Variants in DNAJC3 observed in about 807,000 individuals in gnomAD.
DNAJC3 encodes the protein dnaJ homolog subfamily C member 3.
Under a neutral mutation model 68.6 loss-of-function variants are expected in DNAJC3, and 38 were observed. The ratio of observed to expected loss-of-function variants is 0.55; its 90% CI spans 0.43 to 0.73. DNAJC3 has a LOEUF of 0.73. Among genes scored for constraint, DNAJC3 ranks in the 30% least tolerant of loss-of-function variants. DNAJC3 has a pLI of 0.00. For missense variants in DNAJC3, 526 were observed against 591.9 expected (o/e 0.89, Z 1.16); for synonymous variants, 203 against 204.0 (o/e 1.00, Z 0.04).
chr13:95,760,596 A>G, intron 6 of DNAJC3, 83 bp from the exon 7 acceptor site: 1 of 1,515,164 alleles, frequency 6.6e-7, no homozygotes, highest in Non-Finnish European at 8.8e-7. Context: ...CAAACAAAAA[A>G]TACTTTTATT....
At chr13:95,786,314 A>G (rs1883600403) in intron 10 of DNAJC3, among the ~76,000 whole-genome samples, 1 of 152,132 alleles carries the variant, frequency 6.6e-6, no homozygotes, top group Non-Finnish European at 1.5e-5. Flanking sequence ...ACACTGTAGC[A>G]TGAATGGGTC....
chr13:95,704,664 G>A (rs542345474), intron 1 of DNAJC3, among the ~76,000 whole-genome samples: 4 of 152,132 alleles, frequency 2.6e-5, no homozygotes, highest in South Asian at 2.1e-4. Flanking sequence ...TATGAGAAAC[G>A]GATCCATTAT....
intron 3 of DNAJC3, among the ~76,000 whole-genome samples, chr13:95,724,098 T>C (rs1881429089): frequency 6.6e-6 from 1 of 152,204 alleles, no homozygotes. Context: ...ATTTGAAATA[T>C]TACTAATATT....
intron 1 of DNAJC3, among the ~76,000 whole-genome samples, chr13:95,688,927 G>GGGGGGGTGT (rs1555321769): frequency 7.7e-6 from 1 of 129,670 alleles, no homozygotes; most frequent in African/African-American, 3.1e-5. Context: ...TGATTGTGTG[G>GGGGGGGTGT]GTGTGTGTGT....
In DNAJC3 at chr13:95,701,498, CT is replaced by C. The variant is rs17882806; in HGVS notation, c.83-7728del. Among the ~76,000 whole-genome samples the C allele has an allele frequency of 1.0e-2, 1,521 of 152,286 alleles. 30 individuals carry two copies. The highest frequency in any genetic ancestry group is 0.035 in the African/African-American group (1,459 of 41,552). On this transcript the variant is annotated intron_variant, in intron 1 of 11. Coordinates refer to ENST00000602402, the MANE Select transcript of DNAJC3 (RefSeq NM_006260.5). ...TTTCAGTTTTTTCCTGGCCATCCCC[CT>C]GTAACAGATTTCCCCATCACCCTCC...
At position 95,714,324 on chromosome 13, in the gene DNAJC3, G is replaced by A. The variant is rs145423229; in HGVS notation, c.193+4987G>A. 4.7e-3 allele frequency among the ~76,000 whole-genome samples: 705 copies of A among 151,502 alleles called. 6 individuals carry two copies. Among genetic ancestry groups the A allele is most frequent in the African/African-American group, 0.017 (680 of 41,176 alleles). On this transcript the variant is annotated intron_variant, in intron 2 of 11. Transcript: ENST00000602402. ...GCGGGAGGACTGCTTGAGCTCAGGT[G>A]CAGTGAGCTATGATTGTGTCACCAC...
chr13:95,720,287 T>C (rs1881281972), intron 2 of DNAJC3, among the ~76,000 whole-genome samples: 1 of 152,230 alleles, frequency 6.6e-6, no homozygotes, highest in Admixed American at 6.5e-5. Context: ...TAAATCATCG[T>C]ATTTCCAGTA....
At chr13:95,764,683 T>TATACACAC (rs36030034) in intron 9 of DNAJC3, among the ~76,000 whole-genome samples, 16 of 88,276 alleles carry the variant, frequency 1.8e-4, no homozygotes, top group African/African-American at 5.4e-4. Context: ...TATATATATA[T>TATACACAC]ACACACACAC....
At chr13:95,727,884 A>G (rs1345111810) in intron 4 of DNAJC3, among the ~76,000 whole-genome samples, 1 of 152,196 alleles carries the variant, frequency 6.6e-6, no homozygotes, top group Non-Finnish European at 1.5e-5. Flanking sequence ...CTTTGTAACC[A>G]TACCAATTTC....
At chr13:95,789,343 G>A (rs1163862006) in intron 11 of DNAJC3, among the ~76,000 whole-genome samples, 1 of 152,022 alleles carries the variant, frequency 6.6e-6, no homozygotes, top group African/African-American at 2.4e-5. Context: ...AGTGTGTGTT[G>A]TTCCCCTTTA....
chr13:95,785,633 G>T (rs375772260), intron 9 of DNAJC3, among the ~76,000 whole-genome samples: 7 of 140,562 alleles, frequency 5.0e-5, no homozygotes, highest in Admixed American at 1.4e-4. Flanking sequence ...TAATTTTTGT[G>T]TTTTTTTTTT....
intron 4 of DNAJC3, among the ~76,000 whole-genome samples, chr13:95,735,346 TG>T (rs1484860313): frequency 7.1e-5 from 8 of 112,682 alleles, no homozygotes; most frequent in African/African-American, 2.9e-4. Context: ...AGTAATGGGA[TG>T]GCTGGGTCAA....
chr13:95,786,879 A>G, intron 10 of DNAJC3, 128 bp from the exon 11 acceptor site: 2 of 1,093,172 alleles, frequency 1.8e-6, no homozygotes, highest in African/African-American at 1.6e-5. Context: ...GGCCTGTGAT[A>G]CCATTGGAAC....
chr13:95,727,249 A>G (rs760238653), intron 4 of DNAJC3, among the ~76,000 whole-genome samples: 9 of 151,922 alleles, frequency 5.9e-5, no homozygotes, highest in Non-Finnish European at 1.2e-4. Context: ...AATTTAGGAT[A>G]TAGTTTTAGC....
Position 95,694,776 on chromosome 13 carries a change from A to G in DNAJC3, c.83-14451A>G, listed in dbSNP as rs2139610068. 3.9e-5 allele frequency: 6 copies of G among 152,744 alleles called. 1 individual carries two copies. In the Middle Eastern group the frequency reaches 0.02, roughly 520 times the overall value. 9.5% of individuals were successfully genotyped at this position (152,744 alleles called of 1,614,324 possible). On this transcript the variant is annotated intron_variant, in intron 1 of 11. Transcript: ENST00000602402. The stretch of plus-strand genomic sequence containing the variant: ...TGCTTTCTCTTCAGTTGCCCATATC[A>G]ACCGAGTTGTAAACTACGGCAGAAT...
intron 4 of DNAJC3, among the ~76,000 whole-genome samples, chr13:95,751,481 T>C (rs752249761): frequency 6.6e-6 from 1 of 152,210 alleles, no homozygotes; most frequent in Non-Finnish European, 1.5e-5. Flanking sequence ...GATTTTCACT[T>C]ATAATGTGAG....
chr13:95,720,587 T>C (rs1453677507), intron 2 of DNAJC3, among the ~76,000 whole-genome samples: 2 of 152,178 alleles, frequency 1.3e-5, no homozygotes, highest in East Asian at 1.9e-4. Context: ...AAATAAAATA[T>C]AAGCTGAACT....
intron 4 of DNAJC3, among the ~76,000 whole-genome samples, chr13:95,753,173 T>C (rs1475908723): frequency 6.6e-6 from 1 of 152,226 alleles, no homozygotes; most frequent in Non-Finnish European, 1.5e-5. Context: ...TTGTACATGC[T>C]GTGTGTTTTT....
chr13:95,699,661 A>G (rs947666738), intron 1 of DNAJC3, among the ~76,000 whole-genome samples: 9 of 152,184 alleles, frequency 5.9e-5, no homozygotes, highest in African/African-American at 1.9e-4. Flanking sequence ...CTTGGGCAGA[A>G]TGGTTAACTA....
Sources: gnomAD v4.1 joint callset for allele counts (sites outside exome capture counted in the v4.1 genomes callset) on GRCh38, gnomAD v4.1.1 for gene constraint, MANE v1.5 for transcripts, NCBI Gene and HGNC (gene_info 2026-07-23, HGNC 2026-07-21) for gene names.